Variants in NKAIN2 observed in about 807,000 individuals in gnomAD.
NKAIN2 encodes sodium/potassium-transporting ATPase subunit beta-1-interacting protein 2.
In NKAIN2, 14 loss-of-function variants were observed where a neutral mutation model predicts 32.6. The ratio of observed to expected loss-of-function variants is 0.43; its 90% CI spans 0.28 to 0.67. The LOEUF is 0.67. Ranked by LOEUF, NKAIN2 falls within the 30% of genes least tolerant of loss-of-function variation. The probability of loss-of-function intolerance (pLI) is 0.17; values close to 1 mark genes in which losing one functional copy is unlikely to be tolerated. For synonymous variants in NKAIN2, 80 were observed against 87.2 expected (o/e 0.92, Z 0.46); for missense variants, 198 against 258.3 (o/e 0.77, Z 1.60).
At chr6:124,334,780 G>A (rs958433410) in intron 2 of NKAIN2, among the ~76,000 whole-genome samples, 1 of 152,184 alleles carries the variant, frequency 6.6e-6, no homozygotes, top group African/African-American at 2.4e-5. Context: ...TACAAAGGCA[G>A]TCTGGTCCCT....
chr6:124,335,640 G>A lies in NKAIN2; in HGVS notation c.193-19627G>A, dbSNP rs554574066. Among the ~76,000 whole-genome samples the A allele has an allele frequency of 1.9e-4, 29 of 152,148 alleles. No homozygotes were observed. In the South Asian group the frequency reaches 5.6e-3, roughly 29 times the overall value. ...ACTACCACACATCTACCATACCTTA[G>A]TAAATGATAATTATATAAATTTTGA... is the stretch of plus-strand genomic sequence containing the variant. On this transcript the variant is annotated intron_variant, in intron 2 of 6. Coordinates refer to ENST00000368417, the MANE Select transcript of NKAIN2 (RefSeq NM_001040214.3).
chr6:124,807,843 A>C (rs972979084), intron 5 of NKAIN2, among the ~76,000 whole-genome samples: 2 of 150,858 alleles, frequency 1.3e-5, no homozygotes, highest in Admixed American at 1.3e-4. Flanking sequence ...CCGTCAGAGA[A>C]TACTACAAAC....
intron 3 of NKAIN2, among the ~76,000 whole-genome samples, chr6:124,515,546 T>TC (rs900649832): frequency 4.0e-5 from 6 of 151,382 alleles, no homozygotes; most frequent in African/African-American, 1.5e-4. Context: ...ACTCACCAGC[T>TC]CCCCCCAGGA....
intron 4 of NKAIN2, among the ~76,000 whole-genome samples, chr6:124,762,620 T>C (rs1778324090): frequency 6.6e-6 from 1 of 152,230 alleles, no homozygotes; most frequent in Non-Finnish European, 1.5e-5. Flanking sequence ...ATTGTTATTT[T>C]GTTTTTGAAA....
intron 4 of NKAIN2, among the ~76,000 whole-genome samples, chr6:124,680,898 G>A (rs1445089813): frequency 6.6e-6 from 1 of 151,448 alleles, no homozygotes; most frequent in Non-Finnish European, 1.5e-5. Flanking sequence ...GAAAAACTAG[G>A]CATATTTAAA....
intron 1 of NKAIN2, among the ~76,000 whole-genome samples, chr6:124,259,485 A>T (rs574246239): frequency 6.6e-6 from 1 of 152,276 alleles, no homozygotes; most frequent in East Asian, 1.9e-4. Context: ...ATTTAAAAAG[A>T]CTATTACCAT....
At chr6:124,091,907 G>A (rs992199095) in intron 1 of NKAIN2, among the ~76,000 whole-genome samples, 3 of 151,832 alleles carry the variant, frequency 2.0e-5, no homozygotes, top group African/African-American at 7.3e-5. Flanking sequence ...TGGGACTTTC[G>A]GCTTCAGTCA....
At chr6:124,002,660 C>T (rs926118014) in intron 1 of NKAIN2, among the ~76,000 whole-genome samples, 3 of 152,134 alleles carry the variant, frequency 2.0e-5, no homozygotes, top group Admixed American at 2.0e-4. Context: ...CACTCATTCT[C>T]ATTTAACTTG....
At chr6:124,296,051 A>T (rs545152457) in intron 2 of NKAIN2, among the ~76,000 whole-genome samples, 1 of 152,204 alleles carries the variant, frequency 6.6e-6, no homozygotes. Context: ...TTATAAATTT[A>T]AAAAATTGTA....
chr6:123,843,811 G>A lies in NKAIN2; in HGVS notation c.54+39557G>A, dbSNP rs532699097. Among the ~76,000 whole-genome samples the A allele has an allele frequency of 7.9e-5, 12 of 152,228 alleles. No homozygotes were observed. The South Asian group carries it at 2.5e-3, about 32-fold the overall frequency. On this transcript the variant is annotated intron_variant, in intron 1 of 6. Coordinates refer to ENST00000368417, the MANE Select transcript of NKAIN2 (RefSeq NM_001040214.3). ...AGGGTAATGGGGGAAGTGTATGGGT[G>A]AACAAAGGTTGTCTTATGATGCAGC...
chr6:124,081,986 C>A (rs1783987136), intron 1 of NKAIN2, among the ~76,000 whole-genome samples: 1 of 151,910 alleles, frequency 6.6e-6, no homozygotes, highest in Admixed American at 6.6e-5. Flanking sequence ...AAATTCAATC[C>A]ACCCCTGCCC....
intron 1 of NKAIN2, among the ~76,000 whole-genome samples, chr6:123,983,519 A>G (rs963953644): frequency 6.6e-6 from 1 of 152,184 alleles, no homozygotes; most frequent in Non-Finnish European, 1.5e-5. Flanking sequence ...AACCACAACT[A>G]TTAACATAAG....
At chr6:123,958,139 T>G (rs186362487) in intron 1 of NKAIN2, among the ~76,000 whole-genome samples, 2 of 152,168 alleles carry the variant, frequency 1.3e-5, no homozygotes, top group East Asian at 3.9e-4. Flanking sequence ...GTCTCTGCCC[T>G]CCAATAGCTA....
At chr6:123,887,847 G>C (rs1468092446) in intron 1 of NKAIN2, among the ~76,000 whole-genome samples, 1 of 152,008 alleles carries the variant, frequency 6.6e-6, no homozygotes, top group Non-Finnish European at 1.5e-5. Flanking sequence ...CAATAGAATG[G>C]TGATTAAGAC....
chr6:124,409,441 A>G (rs562086587), intron 3 of NKAIN2, among the ~76,000 whole-genome samples: 2 of 152,224 alleles, frequency 1.3e-5, no homozygotes, highest in East Asian at 1.9e-4. Flanking sequence ...TTCTGCATCT[A>G]TTGAGATAAT....
intron 1 of NKAIN2, among the ~76,000 whole-genome samples, chr6:124,041,095 A>G (rs1781850799): frequency 6.6e-6 from 1 of 152,048 alleles, no homozygotes; most frequent in South Asian, 2.1e-4. Context: ...ACCACATTTT[A>G]GGAAGTCATG....
chr6:124,566,920 T>C (rs940738333), intron 3 of NKAIN2, among the ~76,000 whole-genome samples: 1 of 152,150 alleles, frequency 6.6e-6, no homozygotes, highest in Non-Finnish European at 1.5e-5. Context: ...AGAATGTCCA[T>C]AATTAAGTTT....
chr6:124,710,457 G>A (rs1305408127), intron 4 of NKAIN2, among the ~76,000 whole-genome samples: 2 of 151,658 alleles, frequency 1.3e-5, no homozygotes, highest in Non-Finnish European at 2.9e-5. Context: ...ATTAATGCGT[G>A]GGAGTCTAAG....
chr6:124,612,822 C>T (rs1031939062), intron 3 of NKAIN2, among the ~76,000 whole-genome samples: 1 of 152,038 alleles, frequency 6.6e-6, no homozygotes, highest in Non-Finnish European at 1.5e-5. Context: ...AACTATGTAT[C>T]CTTATATGAT....
Sources: allele counts gnomAD v4.1 joint callset (sites outside exome capture counted in the v4.1 genomes callset), GRCh38; gene constraint gnomAD v4.1.1; transcripts MANE v1.5; gene names NCBI Gene and HGNC (gene_info 2026-07-23, HGNC 2026-07-21).